The following NDUFAF7 variants were observed in gnomAD, a reference collection of about 807,000 sequenced individuals.
NDUFAF7 encodes the protein NADH:ubiquinone oxidoreductase complex assembly factor 7.
Under a neutral mutation model 47.2 loss-of-function variants are expected in NDUFAF7, and 48 were observed. The observed-to-expected ratio is 1.02, with a 90% CI of 0.81 to 1.29. The LOEUF (loss-of-function observed/expected upper bound fraction) is 1.29. Among genes scored for constraint, NDUFAF7 ranks in the 50% most tolerant of loss-of-function variants. NDUFAF7 has a pLI of 0.00. For missense variants in NDUFAF7, 635 were observed against 537.6 expected, an observed-to-expected ratio of 1.18 and a Z score of -1.79; for synonymous variants, 217 against 190.0, an observed-to-expected ratio of 1.14 and a Z score of -1.17.
At chr2:37,263,306 G>C in the NDUFAF7 span, among the ~76,000 whole-genome samples, 2 of 152,114 alleles carry the variant, frequency 1.3e-5, no homozygotes, top group Non-Finnish European at 2.9e-5. Flanking sequence ...GTAGGAGCTT[G>C]TTTTCTGATT....
At chr2:37,256,764 T>G, downstream of NDUFAF7, 2 of 1,613,346 alleles carry the variant, frequency 1.2e-6, no homozygotes, top group Non-Finnish European at 1.7e-6. Context: ...AATGTGCCAC[T>G]GAGGCTCACA....
the NDUFAF7 span, among the ~76,000 whole-genome samples, chr2:37,270,141 C>T: frequency 4.6e-5 from 7 of 151,890 alleles, no homozygotes; most frequent in Non-Finnish European, 2.9e-5. Context: ...GCAGGAGAAT[C>T]GCTTGAACCC....
intron 6 of NDUFAF7, among the ~76,000 whole-genome samples, chr2:37,242,989 A>G (rs1666510431): frequency 6.6e-6 from 1 of 151,810 alleles, no homozygotes; most frequent in African/African-American, 2.4e-5. Flanking sequence ...TACTTAAGCA[A>G]AAAAAAAATT....
intron 6 of NDUFAF7, 129 bp from the exon 7 acceptor site, chr2:37,243,734 A>G (rs771520704): frequency 2.8e-6 from 2 of 706,292 alleles, no homozygotes; most frequent in Non-Finnish European, 5.0e-6. Context: ...GAATTTAAGT[A>G]ATTTTAAATA....
intron 2 of NDUFAF7, 79 bp from the exon 3 acceptor site, chr2:37,236,017 A>T: frequency 8.6e-7 from 1 of 1,163,244 alleles, no homozygotes; most frequent in Non-Finnish European, 1.3e-6. Flanking sequence ...CTTTTACATT[A>T]TTTAAGATTT....
At chr2:37,244,972 T>A (rs1203238719) in intron 7 of NDUFAF7, among the ~76,000 whole-genome samples, 1 of 152,188 alleles carries the variant, frequency 6.6e-6, no homozygotes, top group Non-Finnish European at 1.5e-5. Context: ...TGGTAATACA[T>A]GTCATCTTGA....
chr2:37,244,123 G>C, intron 7 of NDUFAF7, 150 bp downstream of exon 7: 1 of 683,764 alleles, frequency 1.5e-6, no homozygotes, highest in Middle Eastern at 4.0e-4. Flanking sequence ...TGAAAGTGCA[G>C]AGGAGCTAGA....
Position 37,232,282 on chromosome 2 carries a change from C to T in NDUFAF7, c.216+16C>T, listed in dbSNP as rs1208230965. The T allele has an allele frequency of 1.9e-6, 3 of 1,612,170 alleles. No individual in the cohort carries two copies. The highest frequency in any genetic ancestry group is 1.3e-5 in the African/African-American group (1 of 74,868). The stretch of plus-strand genomic sequence containing the variant: ...TCCAGCCAAGGTATGGGTCGGGTAG[C>T]CCGAGGACTAGGCCCTCTCTAGCCG... On this transcript the variant is annotated intron_variant, in intron 2 of 9. Transcript: ENST00000002125.
chr2:37,243,712 C>T (rs1303718031), intron 6 of NDUFAF7, 151 bp from the exon 7 acceptor site: 1 of 653,728 alleles, frequency 1.5e-6, no homozygotes, highest in Admixed American at 2.4e-5. Flanking sequence ...TGTTCAAAGG[C>T]AATGAAGTAA....
the NDUFAF7 span, among the ~76,000 whole-genome samples, chr2:37,266,207 T>C: frequency 6.6e-6 from 1 of 152,216 alleles, no homozygotes; most frequent in Non-Finnish European, 1.5e-5. Flanking sequence ...TAGCAACAAG[T>C]AACATAATAA....
At chr2:37,261,889 T>C in the NDUFAF7 span, among the ~76,000 whole-genome samples, 1 of 152,242 alleles carries the variant, frequency 6.6e-6, no homozygotes, top group African/African-American at 2.4e-5. Flanking sequence ...AAAAAACGTA[T>C]TTTGAATACC....
downstream of NDUFAF7, among the ~76,000 whole-genome samples, chr2:37,249,643 G>GACAGACACACACACACACACACACAC (rs1261022368): frequency 5.3e-5 from 7 of 132,626 alleles, no homozygotes; most frequent in African/African-American, 1.8e-4. Flanking sequence ...CTGTGATAGA[G>GACAGACACACACACACACACACACAC]ACACACACAC....
downstream of NDUFAF7, chr2:37,254,104 T>C: frequency 1.2e-6 from 1 of 857,164 alleles, no homozygotes; most frequent in Non-Finnish European, 1.9e-6. Flanking sequence ...AAGAGCACTT[T>C]TATTATTCTG....
intron 2 of NDUFAF7, among the ~76,000 whole-genome samples, chr2:37,234,540 A>T (rs1252827573): frequency 2.0e-5 from 3 of 152,040 alleles, no homozygotes; most frequent in Non-Finnish European, 4.4e-5. Context: ...GGGCTACCAC[A>T]GTGGTTCATA....
At chr2:37,238,404 T>C (rs1308036119) in intron 4 of NDUFAF7, among the ~76,000 whole-genome samples, 3 of 151,866 alleles carry the variant, frequency 2.0e-5, no homozygotes, top group Non-Finnish European at 4.4e-5. Context: ...AGAGCTGAGA[T>C]TGCGCCATTG....
intron 4 of NDUFAF7, among the ~76,000 whole-genome samples, chr2:37,238,426 G>C (rs913893366): frequency 6.6e-6 from 1 of 151,694 alleles, no homozygotes; most frequent in Non-Finnish European, 1.5e-5. Context: ...ACTCCAGCCT[G>C]GTGACAGAGC....
At chr2:37,262,893 C>CT in the NDUFAF7 span, among the ~76,000 whole-genome samples, 3 of 144,618 alleles carry the variant, frequency 2.1e-5, no homozygotes, top group Non-Finnish European at 4.5e-5. Context: ...CCTAAGATTC[C>CT]TTCCCCCCCC....
At chr2:37,231,897 C>T (rs1665176622) in intron 1 of NDUFAF7, 137 bp downstream of exon 1, 2 of 1,583,032 alleles carry the variant, frequency 1.3e-6, no homozygotes, top group African/African-American at 2.7e-5. Context: ...GGGCTGGAAA[C>T]GGGTCCGGTA....
At chr2:37,234,673 A>T (rs1229263100) in intron 2 of NDUFAF7, among the ~76,000 whole-genome samples, 1 of 152,178 alleles carries the variant, frequency 6.6e-6, no homozygotes, top group Non-Finnish European at 1.5e-5. Flanking sequence ...TTTATTTTGA[A>T]TGCTGAAGGG....
Sources: gnomAD v4.1 joint callset for allele counts (sites outside exome capture counted in the v4.1 genomes callset) on GRCh38, gnomAD v4.1.1 for gene constraint, MANE v1.5 for transcripts, NCBI Gene and HGNC (gene_info 2026-07-23, HGNC 2026-07-21) for gene names.